The following JHY variants were observed in gnomAD, a reference collection of about 807,000 sequenced individuals.
The protein encoded by JHY is junctional cadherin complex regulator, also known as jhy protein homolog.
JHY carries 69 observed loss-of-function variants against 78.0 expected under a neutral mutation model. That is an observed-to-expected ratio of 0.88 (90% confidence interval 0.73 to 1.08). The LOEUF (loss-of-function observed/expected upper bound fraction) is 1.08, where lower values mean the gene tolerates loss of function less well. Ranked by LOEUF, JHY falls within the 50% of genes least tolerant of loss-of-function variation. The pLI is 0.00. For synonymous variants in JHY, 368 were observed against 342.6 expected (o/e 1.07, Z -0.82); for missense variants, 944 against 927.8 (o/e 1.02, Z -0.23).
intron 2 of JHY, among the ~76,000 whole-genome samples, chr11:122,893,893 T>C (rs2135289045): frequency 6.6e-6 from 1 of 152,216 alleles, no homozygotes; most frequent in African/African-American, 2.4e-5. Context: ...CCTAGAGTGG[T>C]GGAAAGACTT....
intron 3 of JHY, 60 bp from the exon 4 acceptor site, chr11:122,924,837 C>T (rs1863458962): frequency 7.4e-7 from 1 of 1,356,408 alleles, no homozygotes; most frequent in Admixed American, 1.7e-5. Context: ...GACTTGAGTC[C>T]CATGGCTCTA....
intron 5 of JHY, among the ~76,000 whole-genome samples, chr11:122,946,142 G>A (rs1863954255): frequency 6.6e-6 from 1 of 152,168 alleles, no homozygotes; most frequent in Non-Finnish European, 1.5e-5. Flanking sequence ...GGTCTTTAGA[G>A]ATTTCTGTTT....
intron 4 of JHY, among the ~76,000 whole-genome samples, chr11:122,931,140 G>T (rs918627316): frequency 4.6e-5 from 7 of 152,166 alleles, no homozygotes; most frequent in Non-Finnish European, 5.9e-5. Context: ...TACCTTGGGG[G>T]TTAGGATTTA....
chr11:122,936,044 TA>T (rs2135357847), intron 5 of JHY, among the ~76,000 whole-genome samples: 1 of 152,364 alleles, frequency 6.6e-6, no homozygotes, highest in Admixed American at 6.5e-5. Flanking sequence ...ATTGGGATTT[TA>T]AAAATTTATT....
rs751227009 is a variant in JHY at position 122,946,763 on chromosome 11, A to G, written c.1900A>G (p.Lys634Glu). 5.6e-6 allele frequency: 9 copies of G among 1,612,660 alleles called. No homozygotes were observed. The African/African-American group carries it at 1.1e-4, about 19-fold the overall frequency. ...EGYLFQLEKG[K>E]KHKKRSSSKN... is the part of the protein sequence containing the mutation. Reference sequence around the variant, plus strand: ...CTATCTGTTTCAACTGGAAAAGGGAAAAAAGCATAAGAAAAGAAGCAGCAG... The same window carrying G: ...CTATCTGTTTCAACTGGAAAAGGGAGAAAAGCATAAGAAAAGAAGCAGCAG... The change falls in exon 6 of 9, where the codon AAA becomes GAA. Residue 634 changes from lysine to glutamate, a missense_variant. By Grantham distance (56) the Lys-to-Glu change is moderately conservative. Coordinates refer to ENST00000227349, the MANE Select transcript of JHY (RefSeq NM_024806.4).
intron 4 of JHY, among the ~76,000 whole-genome samples, chr11:122,927,664 G>C (rs1016170055): frequency 2.6e-5 from 4 of 152,172 alleles, no homozygotes; most frequent in Admixed American, 6.5e-5. Flanking sequence ...CACTGGCTCA[G>C]GGCCTGCCAT....
rs1863727078 is a variant in JHY, at chr11:122,935,191, A to T, written c.1634+116A>T. ...CATAAGGTGGCTAGGTGAGAAGAAG[A>T]GTTCACCTAACAACTTCCTTAGCTC... is the stretch of plus-strand genomic sequence containing the variant. On this transcript the variant is annotated intron_variant, in intron 5 of 8. Transcript: ENST00000227349. The surrounding 1 kb of genome is among the most constrained non-coding windows in gnomAD (Gnocchi z 4.5). The T allele has an allele frequency of 1.1e-6, 1 of 933,704 alleles. No homozygotes were observed. Among genetic ancestry groups the T allele is most frequent in the Admixed American group, 3.0e-5 (1 of 33,020 alleles). The allele number at this position is 933,704 out of a possible 1,614,324, so 57.8% of individuals were successfully genotyped here. A position where few individuals can be genotyped will look rare whatever the true frequency, so the allele number is the denominator to read the frequency against.
Position 122,934,570 on chromosome 11 carries a change from A to C in JHY, c.1129A>C (p.Lys377Gln), listed in dbSNP as rs1863708540. 1.9e-6 allele frequency: 3 copies of C among 1,614,028 alleles called. No individual in the cohort carries two copies. Among genetic ancestry groups the C allele is most frequent in the Non-Finnish European group, 1.7e-6 (2 of 1,180,040 alleles). Reference protein sequence around the residue: ...RKQCKHQNGLKSSTTEEVTAS... With the variant: ...RKQCKHQNGLQSSTTEEVTAS... ...GCAGTGTAAACACCAGAATGGCCTG[A>C]AGTCTTCCACAACGGAAGAGGTGAC... Residue 377 changes from lysine (K) to glutamine (Q), a missense_variant, in exon 5 of 9, where the codon AAG (lysine) becomes CAG (glutamine). Transcript: ENST00000227349.
At position 122,960,126 on chromosome 11, in the gene JHY, C is replaced by G. The variant is rs568832718; in HGVS notation, c.*681C>G. On this transcript the variant is annotated 3_prime_UTR_variant, in exon 9 of 9. Transcript: ENST00000227349. ...GCGCATGTCTATAGTTCCAGGTACT[C>G]AGGAGGCTGAGGCACAAGAATTGCT... 6.6e-6 allele frequency among the ~76,000 whole-genome samples: 1 copy of G among 152,158 alleles called. No individual in the cohort carries two copies. The highest frequency in any genetic ancestry group is 1.5e-5 in the Non-Finnish European group (1 of 68,014).
intron 2 of JHY, among the ~76,000 whole-genome samples, chr11:122,887,358 C>G (rs550450651): frequency 1.3e-5 from 2 of 152,110 alleles, no homozygotes; most frequent in African/African-American, 2.4e-5. Flanking sequence ...GAGTCTCGCT[C>G]TGTCATCAGG....
intron 4 of JHY, among the ~76,000 whole-genome samples, chr11:122,932,665 G>A (rs1182336987): frequency 3.9e-5 from 6 of 152,090 alleles, no homozygotes; most frequent in African/African-American, 1.4e-4. Flanking sequence ...TGACCTTCAC[G>A]AATAGTGCTG....
intron 5 of JHY, among the ~76,000 whole-genome samples, chr11:122,936,333 T>TA (rs1365716570): frequency 2.6e-5 from 4 of 152,182 alleles, no homozygotes; most frequent in Non-Finnish European, 5.9e-5. Context: ...AAAGAACATT[T>TA]AAGTGTCACA....
rs1272415239 is a variant in JHY, at chr11:122,960,637, C to T, written c.*1192C>T. ...ATGATTACCCCAGAGACCTTTTCTA[C>T]TATATCAATAGTAGGGTTACTTGTC... On this transcript the variant is annotated 3_prime_UTR_variant, in exon 9 of 9. Transcript: ENST00000227349. 6.0e-6 allele frequency: 2 copies of T among 333,780 alleles called. No individual in the cohort carries two copies. The highest frequency in any genetic ancestry group is 1.2e-5 in the Non-Finnish European group (2 of 165,406). 20.7% of individuals were successfully genotyped at this position (333,780 alleles called of 1,614,324 possible).
chr11:122,932,355 TG>T (rs1199925034), intron 4 of JHY, among the ~76,000 whole-genome samples: 3 of 152,306 alleles, frequency 2.0e-5, no homozygotes, highest in Non-Finnish European at 4.4e-5. Context: ...TTTCATAAAA[TG>T]ATGAGTCCTT....
chr11:122,956,503 A>G lies in JHY; in HGVS notation c.1937A>G (p.Lys646Arg). ...HKKRSSSKNT[K>R]LKGYQKRDVK... ...CTGTGGTTGTATTTTTAGAACACCA[A>G]GCTGAAAGGTTATCAGAAAAGAGAC... The change falls in exon 7 of 9, where the codon AAG (lysine) becomes AGG (arginine). Residue 646 changes from lysine to arginine, a missense_variant. Transcript: ENST00000227349. The G allele has an allele frequency of 6.2e-7, 1 of 1,613,438 alleles. No homozygotes were observed. The highest frequency in any genetic ancestry group is 8.5e-7 in the Non-Finnish European group (1 of 1,179,576).
At position 122,957,419 on chromosome 11, in the gene JHY, G is replaced by T; in HGVS notation, c.2067G>T (p.Met689Ile). 1 of 1,536,684 alleles carries T rather than the reference G, an allele frequency of 6.5e-7. No individual in the cohort carries two copies. The highest frequency in any genetic ancestry group is 8.7e-7 in the Non-Finnish European group (1 of 1,153,664). Residue 689 changes from methionine to isoleucine, a missense_variant, in exon 8 of 9, where the codon ATG becomes ATT. Met to Ile is a conservative substitution (Grantham distance 10). Coordinates refer to ENST00000227349, the MANE Select transcript of JHY (RefSeq NM_024806.4). ...CAAAACAAGTCAAGGAGTACAACAT[G>T]AAGACACTATCCATTCTATCAAAAC... is the stretch of plus-strand genomic sequence containing the variant. The part of the protein sequence containing the change: ...EYAKQVKEYN[M>I]KTLSILSKPQ...
intron 2 of JHY, among the ~76,000 whole-genome samples, chr11:122,899,589 C>T (rs1355311647): frequency 1.3e-5 from 2 of 152,172 alleles, no homozygotes; most frequent in African/African-American, 4.8e-5. Flanking sequence ...TTTATTGACT[C>T]TTCTGTCCAT....
intron 3 of JHY, among the ~76,000 whole-genome samples, chr11:122,923,883 A>ATTTT (rs760512913): frequency 2.0e-5 from 2 of 100,504 alleles, no homozygotes; most frequent in East Asian, 2.9e-4. Context: ...CGCCTGGCTA[A>ATTTT]TTTTTTTTTT....
intron 2 of JHY, among the ~76,000 whole-genome samples, chr11:122,899,083 T>A (rs1434859058): frequency 6.6e-6 from 1 of 152,220 alleles, no homozygotes; most frequent in Non-Finnish European, 1.5e-5. Flanking sequence ...TGTGTCCCTA[T>A]GGCCCGGTGC....
Sources: allele counts gnomAD v4.1 joint callset (sites outside exome capture counted in the v4.1 genomes callset), GRCh38; gene constraint gnomAD v4.1.1; non-coding constraint Gnocchi (gnomAD v3.1); transcripts MANE v1.5; gene names NCBI Gene and HGNC (gene_info 2026-07-23, HGNC 2026-07-21).